The following ZNF793 variants were observed in gnomAD, a reference collection of about 807,000 sequenced individuals.
ZNF793 encodes the protein zinc finger protein 793.
Under a neutral mutation model 12.4 loss-of-function variants are expected in ZNF793, and 5 were observed. The observed-to-expected ratio is 0.40, with a 90% CI of 0.21 to 0.84. The LOEUF is 0.84. ZNF793 is among the 40% of genes least tolerant of loss of function. The pLI is 0.35. For synonymous variants in ZNF793, 162 were observed against 172.4 expected (o/e 0.94, Z 0.47); for missense variants, 456 against 495.0 (o/e 0.92, Z 0.75).
intron 3 of ZNF793, among the ~76,000 whole-genome samples, chr19:37,520,567 C>T (rs1411852584): frequency 3.3e-5 from 5 of 152,154 alleles, no homozygotes; most frequent in Non-Finnish European, 7.3e-5. Flanking sequence ...GGATGGTTGG[C>T]CCAAGATCCA....
chr19:37,534,408 A>G (rs1600421699), intron 7 of ZNF793: 1 of 152,022 alleles, frequency 6.6e-6, no homozygotes, highest in South Asian at 2.1e-4. Flanking sequence ...GGATTACACT[A>G]CAGGTGTGCA....
Position 37,541,327 on chromosome 19 carries a change from C to G in ZNF793, c.*3448C>G, listed in dbSNP as rs1181208681. 6.6e-6 allele frequency: 1 copy of G among 152,186 alleles called. No homozygotes were observed. Among genetic ancestry groups the G allele is most frequent in the Non-Finnish European group, 1.5e-5 (1 of 68,050 alleles). The allele number at this position is 152,186 out of a possible 1,614,324, so 9.4% of individuals were successfully genotyped here. A position where few individuals can be genotyped will look rare whatever the true frequency, so the allele number is the denominator to read the frequency against. Reference sequence around the variant, plus strand: ...AATCAAAGGAGCCTATGTGTACAATCTAGGAGTTGGGAGATATTAACTTTA... The same window carrying G: ...AATCAAAGGAGCCTATGTGTACAATGTAGGAGTTGGGAGATATTAACTTTA... On this transcript the variant is annotated 3_prime_UTR_variant, in exon 8 of 8. Coordinates refer to ENST00000627814, the MANE Select transcript of ZNF793 (RefSeq NM_001013659.3).
chr19:37,510,760 G>A (rs778864898), intron 2 of ZNF793, among the ~76,000 whole-genome samples: 20 of 150,426 alleles, frequency 1.3e-4, no homozygotes, highest in Non-Finnish European at 2.8e-4. Context: ...GCAGTGGCAC[G>A]ATCTCGGCTT....
intron 5 of ZNF793, 47 bp from the exon 6 acceptor site, chr19:37,532,309 C>G (rs2147101478): frequency 1.3e-6 from 2 of 1,585,064 alleles, no homozygotes; most frequent in South Asian, 1.1e-5. Flanking sequence ...TGGCCCTGCA[C>G]AAACATTTTT....
At chr19:37,522,155 G>A (rs1187656126) in intron 3 of ZNF793, among the ~76,000 whole-genome samples, 2 of 152,080 alleles carry the variant, frequency 1.3e-5, no homozygotes, top group Non-Finnish European at 2.9e-5. Context: ...TCTACAATCA[G>A]ATGTCAACTA....
rs144557544 is a variant in ZNF793 at position 37,523,549 on chromosome 19, A to G, written c.15+95A>G. On this transcript the variant is annotated intron_variant, in intron 5 of 7. Transcript: ENST00000627814. The stretch of plus-strand genomic sequence containing the variant: ...CATTGTAAGTATGTACAGTTTGTAC[A>G]TACAGGCTGGGTTCTCAGGGAAGCT... 3.5e-5 allele frequency: 44 copies of G among 1,245,010 alleles called. No individual in the cohort carries two copies. The East Asian group carries it at 4.9e-4, about 14-fold the overall frequency. 77.1% of individuals were successfully genotyped at this position (1,245,010 alleles called of 1,614,324 possible). A position where few individuals can be genotyped will look rare whatever the true frequency, so the allele number is the denominator to read the frequency against.
At chr19:37,536,543 G>GTT in intron 7 of ZNF793, 1 of 410,874 alleles carries the variant, frequency 2.4e-6, no homozygotes, top group South Asian at 1.1e-4. Context: ...ACATTCTTAC[G>GTT]TTTACATGTT....
chr19:37,523,690 G>A (rs1177645324), intron 5 of ZNF793, among the ~76,000 whole-genome samples: 2 of 152,142 alleles, frequency 1.3e-5, no homozygotes, highest in Non-Finnish European at 2.9e-5. Context: ...AGAGGCCTTA[G>A]TGGATCTTAT....
At chr19:37,518,785 A>C (rs559367903) in intron 2 of ZNF793, among the ~76,000 whole-genome samples, 1 of 37,498 alleles carries the variant, frequency 2.7e-5, no homozygotes, top group East Asian at 7.7e-4. Flanking sequence ...TCTCAAATAA[A>C]GAAATAGATA....
intron 5 of ZNF793, among the ~76,000 whole-genome samples, chr19:37,531,052 C>A (rs369855821): frequency 1.3e-5 from 2 of 152,186 alleles, no homozygotes; most frequent in Non-Finnish European, 2.9e-5. Flanking sequence ...TATCATTATA[C>A]CACTTCACAT....
intron 5 of ZNF793, among the ~76,000 whole-genome samples, chr19:37,529,954 C>T (rs2042444802): frequency 6.6e-6 from 1 of 151,512 alleles, no homozygotes; most frequent in Admixed American, 6.6e-5. Context: ...ATCCCGCCAG[C>T]CTCTGAGTTC....
chr19:37,532,014 A>AT (rs560896331), intron 5 of ZNF793, among the ~76,000 whole-genome samples: 10,718 of 141,328 alleles, frequency 0.076, 663 homozygotes, highest in African/African-American at 0.13. Context: ...TCTTGCACAA[A>AT]ATTTTTTTTT....
chr19:37,531,371 T>C (rs1247647645), intron 5 of ZNF793: 2 of 152,888 alleles, frequency 1.3e-5, no homozygotes, highest in Non-Finnish European at 2.9e-5. Flanking sequence ...TTCACCATGT[T>C]GGCCAGGCTG....
intron 5 of ZNF793, among the ~76,000 whole-genome samples, chr19:37,523,871 C>T (rs1052493621): frequency 6.6e-6 from 1 of 152,174 alleles, no homozygotes; most frequent in South Asian, 2.1e-4. Context: ...TTAAGCCGGC[C>T]GCTAGGGGTA....
intron 5 of ZNF793, among the ~76,000 whole-genome samples, chr19:37,530,395 G>A (rs1162735256): frequency 1.3e-5 from 2 of 151,916 alleles, no homozygotes; most frequent in African/African-American, 2.4e-5. Context: ...CCCTTCCCAC[G>A]AGGCCGTATT....
intron 2 of ZNF793, among the ~76,000 whole-genome samples, chr19:37,508,646 C>T (rs1160166574): frequency 6.6e-6 from 1 of 152,056 alleles, no homozygotes; most frequent in African/African-American, 2.4e-5. Flanking sequence ...GTGGAGATTG[C>T]AGTGAAACGA....
Position 37,537,975 on chromosome 19 carries a change from G to C in ZNF793, c.*96G>C, listed in dbSNP as rs963378075. 2.9e-6 allele frequency: 4 copies of C among 1,367,174 alleles called. No homozygotes were observed. The highest frequency in any genetic ancestry group is 1.5e-5 in the African/African-American group (1 of 66,062). 84.7% of individuals were successfully genotyped at this position (1,367,174 alleles called of 1,614,324 possible). On this transcript the variant is annotated 3_prime_UTR_variant, in exon 8 of 8. Transcript: ENST00000627814. ...CACCCAGGCTGGAGTGCAGTGGCGC[G>C]ATCTCGGCTTACTGCAAGCTCTGCC...
rs560554800 is a variant in ZNF793, at chr19:37,507,773, T to A, written c.-414-492T>A. Among the ~76,000 whole-genome samples, 422 of 152,314 alleles carry A rather than the reference T, an allele frequency of 2.8e-3. 3 individuals are homozygous for A. Among genetic ancestry groups the A allele is most frequent in the African/African-American group, 9.9e-3 (410 of 41,568 alleles). ...TCAGTGTGGATTCATGATTGGGGGC[T>A]GTGTAATTTCACTGGCAATCAGATC... On this transcript the variant is annotated intron_variant, in intron 1 of 7. Transcript: ENST00000627814.
intron 2 of ZNF793, among the ~76,000 whole-genome samples, chr19:37,513,672 A>G (rs886714096): frequency 6.6e-6 from 1 of 152,260 alleles, no homozygotes; most frequent in African/African-American, 2.4e-5. Context: ...AGACAAAGAA[A>G]GAAACTTTCA....
Sources: gnomAD v4.1 joint callset for allele counts (sites outside exome capture counted in the v4.1 genomes callset) on GRCh38, gnomAD v4.1.1 for gene constraint, MANE v1.5 for transcripts, NCBI Gene and HGNC (gene_info 2026-07-23, HGNC 2026-07-21) for gene names.